Variants in INSIG2 observed in about 807,000 individuals in gnomAD.
INSIG2 encodes insulin-induced gene 2 protein.
INSIG2 carries 10 observed loss-of-function variants against 27.2 expected under a neutral mutation model. The observed-to-expected ratio is 0.37, with a 90% CI of 0.23 to 0.62. INSIG2 has a LOEUF of 0.62. INSIG2 is among the 20% of genes least tolerant of loss of function. The pLI is 0.65. For missense variants in INSIG2, 178 were observed against 270.2 expected (o/e 0.66, Z 2.39); for synonymous variants, 97 against 95.8 (o/e 1.01, Z -0.07).
intron 2 of INSIG2, among the ~76,000 whole-genome samples, chr2:118,099,148 G>A (rs1404459344): frequency 2.0e-5 from 3 of 152,224 alleles, no homozygotes; most frequent in Non-Finnish European, 4.4e-5. Context: ...TTGAGTTTGT[G>A]TGTGTATGTA....
chr2:118,092,280 T>C (rs2104520596), intron 1 of INSIG2, among the ~76,000 whole-genome samples: 1 of 152,188 alleles, frequency 6.6e-6, no homozygotes, highest in Non-Finnish European at 1.5e-5. Flanking sequence ...AAGTAAAGAG[T>C]CAACTAATGT....
intron 1 of INSIG2, among the ~76,000 whole-genome samples, chr2:118,091,305 T>G (rs1405943164): frequency 6.6e-6 from 1 of 152,224 alleles, no homozygotes; most frequent in East Asian, 1.9e-4. Context: ...TGTGGACGCC[T>G]CTATCCCTTT....
intron 3 of INSIG2, among the ~76,000 whole-genome samples, chr2:118,105,161 C>T (rs543039032): frequency 6.6e-6 from 1 of 152,314 alleles, no homozygotes; most frequent in South Asian, 2.1e-4. Context: ...CTGCCTCAGC[C>T]TCCTGAGTAG....
intron 3 of INSIG2, chr2:118,106,529 A>G (rs1678676023): frequency 2.0e-6 from 1 of 492,638 alleles, no homozygotes; most frequent in Non-Finnish European, 3.6e-6. Flanking sequence ...GGATCTATTG[A>G]TTAATGTCTT....
At chr2:118,098,543 CTT>C (rs1413198825) in intron 2 of INSIG2, among the ~76,000 whole-genome samples, 7 of 152,184 alleles carry the variant, frequency 4.6e-5, no homozygotes, top group Non-Finnish European at 7.3e-5. Context: ...CAGGATGCCA[CTT>C]TTCAAGCCTC....
At position 118,106,738 on chromosome 2, in the gene INSIG2, A is replaced by G. The variant is rs1463244563; in HGVS notation, c.371A>G (p.Lys124Arg). The change falls in exon 4 of 6, where the codon AAA (lysine) becomes AGA (arginine). Residue 124 changes from lysine (K) to arginine (R), a missense_variant and splice_region_variant. By Grantham distance (26) the Lys-to-Arg change is conservative (BLOSUM62 2). Coordinates refer to ENST00000245787, the MANE Select transcript of INSIG2 (RefSeq NM_016133.4). The part of the protein sequence containing the change: ...VFVGINHASA[K>R]VDFDNNIQLS... Reference sequence around the variant, plus strand: ...ATGACTTCTTAACACTGATCTCAGAAAGTGGATTTCGATAACAACATACAG... The same window carrying G: ...ATGACTTCTTAACACTGATCTCAGAGAGTGGATTTCGATAACAACATACAG... 2 of 1,612,712 alleles carry G rather than the reference A, an allele frequency of 1.2e-6. No homozygotes were observed. The highest frequency in any genetic ancestry group is 1.7e-6 in the Non-Finnish European group (2 of 1,179,282).
intron 2 of INSIG2, among the ~76,000 whole-genome samples, chr2:118,097,457 A>G (rs1232131869): frequency 6.6e-6 from 1 of 152,188 alleles, no homozygotes; most frequent in Non-Finnish European, 1.5e-5. Context: ...TTTTATAAGT[A>G]CCTTAGAATA....
chr2:118,106,758 A>C lies in INSIG2; in HGVS notation c.391A>C (p.Ile131Leu). The C allele has an allele frequency of 6.2e-7, 1 of 1,613,984 alleles. No homozygotes were observed. Among genetic ancestry groups the C allele is most frequent in the Non-Finnish European group, 8.5e-7 (1 of 1,179,896 alleles). Residue 131 changes from isoleucine to leucine, a missense_variant, in exon 4 of 6, where the codon ATA becomes CTA. Physicochemically the swap from Ile to Leu is conservative, Grantham distance 5 (BLOSUM62 2). Coordinates refer to ENST00000245787, the MANE Select transcript of INSIG2 (RefSeq NM_016133.4). Reference protein sequence around the residue: ...ASAKVDFDNNIQLSLTLAALS... With the variant: ...ASAKVDFDNNLQLSLTLAALS... ...TCAGAAAGTGGATTTCGATAACAAC[A>C]TACAGTTGTCTCTCACACTGGCTGC...
In INSIG2 at chr2:118,091,306, C is replaced by G. The variant is rs147702181; in HGVS notation, c.-139+2765C>G. On this transcript the variant is annotated intron_variant, in intron 1 of 5. Transcript: ENST00000245787. ...GGGTGAAATGGTTTTGTGGACGCCTCTATCCCTTTGATGAGTCTGGTCATT... is the reference window on the plus strand; with the variant it reads ...GGGTGAAATGGTTTTGTGGACGCCTGTATCCCTTTGATGAGTCTGGTCATT... Among the ~76,000 whole-genome samples the G allele has an allele frequency of 3.8e-3, 577 of 152,296 alleles. 3 individuals are homozygous for G. The highest frequency in any genetic ancestry group is 0.013 in the African/African-American group (547 of 41,558).
Position 118,106,760 on chromosome 2 carries a change from A to G in INSIG2, c.393A>G (p.Ile131Met). ...ASAKVDFDNN[I>M]QLSLTLAALS... ...AGAAAGTGGATTTCGATAACAACAT[A>G]CAGTTGTCTCTCACACTGGCTGCAC... is the stretch of plus-strand genomic sequence containing the variant. Residue 131 changes from isoleucine to methionine, a missense_variant, in exon 4 of 6, where the codon ATA (isoleucine) becomes ATG (methionine). Transcript: ENST00000245787. The G allele has an allele frequency of 6.2e-7, 1 of 1,613,938 alleles. No homozygotes were observed. Among genetic ancestry groups the G allele is most frequent in the Non-Finnish European group, 8.5e-7 (1 of 1,179,872 alleles).
intron 3 of INSIG2, among the ~76,000 whole-genome samples, chr2:118,104,746 G>C (rs1678631929): frequency 6.6e-6 from 1 of 152,054 alleles, no homozygotes; most frequent in Non-Finnish European, 1.5e-5. Context: ...TTCCTACCCA[G>C]GAACCTCAAA....
chr2:118,100,884 TA>T (rs1156836539), intron 2 of INSIG2, among the ~76,000 whole-genome samples: 4 of 152,154 alleles, frequency 2.6e-5, no homozygotes, highest in Non-Finnish European at 5.9e-5. Flanking sequence ...CACATTCCCA[TA>T]AAAAAGTGAT....
At chr2:118,097,447 T>C (rs1678436509) in intron 2 of INSIG2, among the ~76,000 whole-genome samples, 1 of 152,208 alleles carries the variant, frequency 6.6e-6, no homozygotes, top group African/African-American at 2.4e-5. Flanking sequence ...GGTATCTTGT[T>C]TTTATAAGTA....
intron 2 of INSIG2, among the ~76,000 whole-genome samples, chr2:118,100,401 C>T (rs554839326): frequency 5.5e-5 from 5 of 90,360 alleles, no homozygotes; most frequent in Admixed American, 5.4e-4. Context: ...TTTTTTGAGA[C>T]GGAGTCTCAC....
rs369172816 is a variant in INSIG2, at chr2:118,092,946, T to G, written c.-138-3473T>G. 1.2e-3 allele frequency among the ~76,000 whole-genome samples: 164 copies of G among 140,432 alleles called. 2 individuals carry two copies. The East Asian group carries it at 0.016, about 14-fold the overall frequency. 92.1% of individuals were successfully genotyped at this position (140,432 alleles called of 152,430 possible). On this transcript the variant is annotated intron_variant, in intron 1 of 5. Transcript: ENST00000245787. ...AAAAGCAACCAGATTATGATGATGA[T>G]GAGGAGGAGGAGGAGGAGGAGAGTT...
At chr2:118,089,532 T>C (rs1005109371) in intron 1 of INSIG2, among the ~76,000 whole-genome samples, 2 of 152,142 alleles carry the variant, frequency 1.3e-5, no homozygotes, top group African/African-American at 4.8e-5. Flanking sequence ...AGTGAACCAC[T>C]GAATGAAGAT....
In INSIG2 at chr2:118,096,701, C is replaced by T; in HGVS notation, c.145C>T (p.Leu49Phe). The T allele has an allele frequency of 1.2e-6, 2 of 1,614,030 alleles. No homozygotes were observed. Among genetic ancestry groups the T allele is most frequent in the Non-Finnish European group, 1.7e-6 (2 of 1,179,942 alleles). ...ATTTCTTGCATTAGTGTTAAATTTA[C>T]TTCAGATTCAGAGAAATGTGACGCT... ...GVFLALVLNL[L>F]QIQRNVTLFP... The change falls in exon 2 of 6, where the codon CTT (leucine) becomes TTT (phenylalanine). Residue 49 changes from leucine to phenylalanine, a missense_variant. Leu to Phe is a conservative substitution (Grantham distance 22, BLOSUM62 0). Coordinates refer to ENST00000245787, the MANE Select transcript of INSIG2 (RefSeq NM_016133.4).
At chr2:118,100,243 C>G (rs1678508011) in intron 2 of INSIG2, among the ~76,000 whole-genome samples, 1 of 152,132 alleles carries the variant, frequency 6.6e-6, no homozygotes, top group Non-Finnish European at 1.5e-5. Flanking sequence ...AGCCCAGCAC[C>G]TTGCCTTCCC....
intron 2 of INSIG2, among the ~76,000 whole-genome samples, chr2:118,100,819 C>T (rs942146297): frequency 1.3e-5 from 2 of 152,152 alleles, no homozygotes; most frequent in East Asian, 1.9e-4. Flanking sequence ...TTCCTGTTTT[C>T]TTACAAAATG....
Sources: allele counts gnomAD v4.1 joint callset (sites outside exome capture counted in the v4.1 genomes callset), GRCh38; gene constraint gnomAD v4.1.1; transcripts MANE v1.5; gene names NCBI Gene and HGNC (gene_info 2026-07-23, HGNC 2026-07-21).